The following ZNF346 variants were observed in gnomAD, a reference collection of about 807,000 sequenced individuals.
ZNF346 encodes zinc finger protein 346.
A neutral mutation model predicts 33.7 loss-of-function variants in ZNF346; 23 were observed. The ratio of observed to expected loss-of-function variants is 0.68; its 90% CI spans 0.49 to 0.97. ZNF346 has a LOEUF of 0.97. Ranked by LOEUF, ZNF346 falls within the 50% of genes least tolerant of loss-of-function variation. The pLI is 0.00. For synonymous variants in ZNF346, 134 were observed against 142.4 expected (o/e 0.94, Z 0.42); for missense variants, 340 against 371.1 (o/e 0.92, Z 0.69).
chr5:177,038,795 T>C lies in ZNF346; in HGVS notation c.176-2331T>C, dbSNP rs114294522. On this transcript the variant is annotated intron_variant, in intron 1 of 6. Transcript: ENST00000358149. ...GAAGTGATGACTGAACTCTGACCCC[T>C]GGGTATTACCTTCCCCATGTGGGTT... Among the ~76,000 whole-genome samples the C allele has an allele frequency of 8.6e-3, 1,315 of 152,138 alleles. 14 individuals carry two copies. Among genetic ancestry groups the C allele is most frequent in the African/African-American group, 0.025 (1,019 of 41,498 alleles).
intron 1 of ZNF346, among the ~76,000 whole-genome samples, chr5:177,035,885 C>G (rs1390710203): frequency 6.6e-6 from 1 of 151,950 alleles, no homozygotes; most frequent in Non-Finnish European, 1.5e-5. Flanking sequence ...GTGATCCGCC[C>G]GCCTCTGCCT....
chr5:177,035,092 C>G (rs937783461), intron 1 of ZNF346, among the ~76,000 whole-genome samples: 11 of 152,044 alleles, frequency 7.2e-5, no homozygotes, highest in African/African-American at 1.9e-4. Flanking sequence ...TCTTGGCTCA[C>G]TGCAACCTCC....
chr5:177,026,218 T>C (rs1581772671), intron 1 of ZNF346, among the ~76,000 whole-genome samples: 1 of 152,124 alleles, frequency 6.6e-6, no homozygotes, highest in African/African-American at 2.4e-5. Context: ...TTGGCCAGGC[T>C]GGTCTCAAAC....
chr5:177,026,276 A>G (rs542417078), intron 1 of ZNF346, among the ~76,000 whole-genome samples: 2 of 150,852 alleles, frequency 1.3e-5, no homozygotes, highest in South Asian at 2.1e-4. Context: ...AAGTGCTGGC[A>G]TTACACGCGT....
chr5:177,044,954 T>G (rs1045190819), intron 4 of ZNF346, among the ~76,000 whole-genome samples: 1 of 152,194 alleles, frequency 6.6e-6, no homozygotes. Context: ...TATGGCCTAC[T>G]CACTTTAATC....
intron 1 of ZNF346, among the ~76,000 whole-genome samples, chr5:177,035,744 T>C (rs1302581814): frequency 7.5e-6 from 1 of 132,572 alleles, no homozygotes; most frequent in Non-Finnish European, 1.6e-5. Context: ...CAATCGATTC[T>C]CCTGCCTCAG....
intron 1 of ZNF346, chr5:177,023,266 T>C (rs1028799318): frequency 4.3e-5 from 62 of 1,435,372 alleles, no homozygotes; most frequent in Non-Finnish European, 5.7e-5. Flanking sequence ...TCACCACTCC[T>C]TGACTCCCCA....
intron 4 of ZNF346, 21 bp downstream of exon 4, chr5:177,044,554 T>C: frequency 1.9e-6 from 3 of 1,612,670 alleles, no homozygotes; most frequent in Non-Finnish European, 2.5e-6. Flanking sequence ...TCCTGAGTAG[T>C]GCTATAGTGG....
intron 5 of ZNF346, among the ~76,000 whole-genome samples, chr5:177,060,243 C>T (rs1368014053): frequency 6.6e-6 from 1 of 152,194 alleles, no homozygotes; most frequent in Non-Finnish European, 1.5e-5. Flanking sequence ...CCAGGTGTGG[C>T]CAGGCACGGC....
In ZNF346 at chr5:177,077,019, C is replaced by T. The variant is rs950940028; in HGVS notation, c.*3-2363C>T. 2.0e-5 allele frequency among the ~76,000 whole-genome samples: 3 copies of T among 152,092 alleles called. No homozygotes were observed. The highest frequency in any genetic ancestry group is 4.4e-5 in the Non-Finnish European group (3 of 68,020). Reference sequence around the variant, plus strand: ...TCACGCCACTGTACTCCAGCTTGGGCGACAGAGCGAGACTCTCAAGAAAAA... The same window carrying T: ...TCACGCCACTGTACTCCAGCTTGGGTGACAGAGCGAGACTCTCAAGAAAAA... On this transcript the variant is annotated intron_variant, in intron 8 of 8. Transcript: ENST00000503039. The surrounding 1 kb of genome is among the most constrained non-coding windows in gnomAD (Gnocchi z 5.0).
intron 5 of ZNF346, among the ~76,000 whole-genome samples, chr5:177,052,102 C>G (rs1483934095): frequency 1.3e-5 from 2 of 151,928 alleles, no homozygotes; most frequent in Non-Finnish European, 2.9e-5. Flanking sequence ...GAGGTCAAGG[C>G]TAAAGTGAGA....
chr5:177,055,618 C>T (rs550970283), intron 5 of ZNF346, among the ~76,000 whole-genome samples: 1 of 152,146 alleles, frequency 6.6e-6, no homozygotes, highest in East Asian at 1.9e-4. Flanking sequence ...AGTATCTCCC[C>T]CTGCCTCAGA....
chr5:177,036,601 C>T (rs1247515528), intron 1 of ZNF346, among the ~76,000 whole-genome samples: 3 of 152,116 alleles, frequency 2.0e-5, no homozygotes, highest in African/African-American at 7.2e-5. Flanking sequence ...CCTCTCAGGT[C>T]TCCGCTGTCA....
rs1237937072 is a variant in ZNF346, at chr5:177,067,747, G to A, written c.*3148G>A. ...ACTCAGCCAAGGGCATGAAAAAGCT[G>A]GAGAGGTTGGAAAGCTAGCATTTCA... On this transcript the variant is annotated 3_prime_UTR_variant, in exon 7 of 7. Transcript: ENST00000358149. 2.0e-5 allele frequency among the ~76,000 whole-genome samples: 3 copies of A among 152,156 alleles called. No homozygotes were observed. Among genetic ancestry groups the A allele is most frequent in the African/African-American group, 7.2e-5 (3 of 41,424 alleles).
At chr5:177,030,701 TCA>T (rs1294475572) in intron 1 of ZNF346, among the ~76,000 whole-genome samples, 2 of 152,126 alleles carry the variant, frequency 1.3e-5, no homozygotes, top group Non-Finnish European at 2.9e-5. Context: ...TTTAGTATAT[TCA>T]CAGAGTTCTG....
intron 1 of ZNF346, among the ~76,000 whole-genome samples, chr5:177,034,644 G>A (rs1778220820): frequency 6.6e-6 from 1 of 152,180 alleles, no homozygotes; most frequent in African/African-American, 2.4e-5. Flanking sequence ...GCATCTCTCA[G>A]CCTCTGCCCC....
chr5:177,080,294 G>A (rs1027190124), exon 9 of ZNF346: 2 of 152,250 alleles, frequency 1.3e-5, no homozygotes, highest in African/African-American at 2.4e-5. Context: ...ACAGGAGGGT[G>A]TTGCCCATGC....
intron 5 of ZNF346, among the ~76,000 whole-genome samples, chr5:177,060,167 A>C (rs1055434578): frequency 1.1e-4 from 17 of 152,146 alleles, no homozygotes; most frequent in African/African-American, 3.4e-4. Context: ...CAGCGTGAGG[A>C]GGTTTGGAGC....
chr5:177,076,447 C>T (rs1481429729), intron 8 of ZNF346, among the ~76,000 whole-genome samples: 1 of 152,330 alleles, frequency 6.6e-6, no homozygotes, highest in East Asian at 1.9e-4. Context: ...AACTGCCGCC[C>T]ATCTTCGATA....
Sources: gnomAD v4.1 joint callset for allele counts (sites outside exome capture counted in the v4.1 genomes callset) on GRCh38, gnomAD v4.1.1 for gene constraint, Gnocchi (gnomAD v3.1) non-coding constraint, MANE v1.5 for transcripts, NCBI Gene and HGNC (gene_info 2026-07-23, HGNC 2026-07-21) for gene names.